DYM: variants seen among roughly 807,000 people sequenced by gnomAD.
DYM encodes the protein dymeclin.
Under a neutral mutation model 93.1 loss-of-function variants are expected in DYM, and 78 were observed. The observed-to-expected ratio is 0.84, with a 90% CI of 0.70 to 1.01. The LOEUF is 1.01. DYM is among the 50% of genes least tolerant of loss of function. DYM has a pLI of 0.00. For missense variants in DYM, 789 were observed against 845.0 expected, an observed-to-expected ratio of 0.93 and a Z score of 0.82; for synonymous variants, 321 against 319.7, an observed-to-expected ratio of 1.00 and a Z score of -0.04.
Position 49,282,172 on chromosome 18 carries a change from C to T in DYM, c.950G>A (p.Ser317Asn), listed in dbSNP as rs187117182. 1.9e-6 allele frequency: 3 copies of T among 1,613,476 alleles called. No homozygotes were observed. The highest frequency in any genetic ancestry group is 1.3e-5 in the African/African-American group (1 of 75,014). The change falls in exon 10 of 18, where the codon AGC becomes AAC. Residue 317 changes from serine (S) to asparagine (N), a missense_variant. Coordinates refer to ENST00000675505, the MANE Select transcript of DYM (RefSeq NM_001353214.3). ...TGGAATTGATGAGGGGAAAGGACTG[C>T]TATCTGGAATACAGAAAACAGCACA... ...AIMSFKNTQDSSPFPSSIPHA... is the reference protein window; with the variant it reads ...AIMSFKNTQDNSPFPSSIPHA...
At chr18:49,191,129 C>T (rs2090932062) in intron 14 of DYM, among the ~76,000 whole-genome samples, 1 of 151,812 alleles carries the variant, frequency 6.6e-6, no homozygotes, top group Non-Finnish European at 1.5e-5. Context: ...GTTCAAGGGT[C>T]GACTATATTT....
At chr18:49,441,559 A>C (rs1440321102) in intron 1 of DYM, among the ~76,000 whole-genome samples, 1 of 150,442 alleles carries the variant, frequency 6.6e-6, no homozygotes. Flanking sequence ...TCCAAGTGCT[A>C]TATTAAGTAC....
chr18:49,143,814 T>C (rs1176889367), intron 15 of DYM, among the ~76,000 whole-genome samples: 1 of 152,164 alleles, frequency 6.6e-6, no homozygotes, highest in Non-Finnish European at 1.5e-5. Flanking sequence ...AACCTCCATG[T>C]ACCTATCACC....
At chr18:49,244,236 C>T (rs2094111942) in intron 13 of DYM, among the ~76,000 whole-genome samples, 1 of 152,174 alleles carries the variant, frequency 6.6e-6, no homozygotes, top group Non-Finnish European at 1.5e-5. Flanking sequence ...TTAACTGGTT[C>T]TCCGCTGGAC....
At chr18:49,371,750 A>T (rs746598850) in intron 5 of DYM, among the ~76,000 whole-genome samples, 2 of 152,214 alleles carry the variant, frequency 1.3e-5, no homozygotes, top group Non-Finnish European at 2.9e-5. Flanking sequence ...GTCCCCTTTG[A>T]CTGATTCTCA....
intron 17 of DYM, among the ~76,000 whole-genome samples, chr18:49,086,919 T>C (rs1489113053): frequency 3.3e-5 from 5 of 151,614 alleles, no homozygotes; most frequent in Non-Finnish European, 7.4e-5. Flanking sequence ...ACCCAGGAGG[T>C]GGAGGTTGCA....
chr18:49,119,939 C>T (rs1384679097), intron 15 of DYM, among the ~76,000 whole-genome samples: 2 of 151,692 alleles, frequency 1.3e-5, no homozygotes, highest in Non-Finnish European at 2.9e-5. Flanking sequence ...ATTAGCCAGG[C>T]GTGGTGGCAC....
intron 8 of DYM, among the ~76,000 whole-genome samples, chr18:49,316,734 C>T (rs894140403): frequency 1.2e-4 from 19 of 152,032 alleles, no homozygotes; most frequent in African/African-American, 4.6e-4. Flanking sequence ...CCCTGAACCC[C>T]TGGCTATCAC....
At chr18:49,065,839 T>C (rs1233692113) in intron 17 of DYM, among the ~76,000 whole-genome samples, 1 of 152,144 alleles carries the variant, frequency 6.6e-6, no homozygotes, top group Admixed American at 6.5e-5. Context: ...GGGGCATAGA[T>C]CACATCTTAG....
chr18:49,172,991 AATTT>A (rs1243726325), intron 14 of DYM, among the ~76,000 whole-genome samples: 2 of 148,122 alleles, frequency 1.4e-5, no homozygotes, highest in African/African-American at 2.4e-5. Context: ...GAAGAGTCAC[AATTT>A]ATTTAATTGG....
rs2276200 is a variant in DYM, at chr18:49,258,263, G to A, written c.1365+117C>T. 0.075 allele frequency: 54,370 copies of A among 727,144 alleles called. 3,889 individuals are homozygous for A. Among genetic ancestry groups the A allele is most frequent in the East Asian group, 0.33 (12,140 of 37,164 alleles). 45.0% of individuals were successfully genotyped at this position (727,144 alleles called of 1,614,324 possible). ...GTAATACAGTGACTATACAGTGACC[G>A]GTATTTTCTACCATATGTCACGAGA... On this transcript the variant is annotated intron_variant, in intron 12 of 17. Transcript: ENST00000675505.
intron 17 of DYM, among the ~76,000 whole-genome samples, chr18:49,067,293 C>T (rs78059067): frequency 0.046 from 324 of 7,110 alleles, 3 homozygotes; most frequent in African/African-American, 0.13. Context: ...GATGTGAGCA[C>T]TATGGAGGTT....
chr18:49,247,634 A>G (rs1211581858), intron 13 of DYM, among the ~76,000 whole-genome samples: 1 of 152,214 alleles, frequency 6.6e-6, no homozygotes, highest in East Asian at 1.9e-4. Flanking sequence ...TAAGAAATAA[A>G]CAATCTGATA....
intron 8 of DYM, among the ~76,000 whole-genome samples, chr18:49,328,567 G>A (rs2063080505): frequency 2.6e-5 from 4 of 151,972 alleles, no homozygotes. Context: ...AATCTACAAA[G>A]AACTTAAACA....
chr18:49,327,627 G>C (rs1039187090), intron 8 of DYM, among the ~76,000 whole-genome samples: 24 of 152,030 alleles, frequency 1.6e-4, no homozygotes, highest in Admixed American at 1.3e-4. Context: ...AAAGCACTGG[G>C]ATTACGGACA....
chr18:49,093,278 C>G (rs1435685941), intron 17 of DYM: 1 of 152,208 alleles, frequency 6.6e-6, no homozygotes, highest in Admixed American at 6.5e-5. Context: ...GCCTGGCATG[C>G]AAGGACTCTG....
chr18:49,428,968 C>A (rs1375603260), intron 2 of DYM, among the ~76,000 whole-genome samples: 1 of 152,292 alleles, frequency 6.6e-6, no homozygotes, highest in East Asian at 1.9e-4. Context: ...TCTTACAGTT[C>A]TGTAGGTCAG....
intron 8 of DYM, among the ~76,000 whole-genome samples, chr18:49,311,407 G>T (rs2061579637): frequency 6.6e-6 from 1 of 152,168 alleles, no homozygotes; most frequent in Non-Finnish European, 1.5e-5. Context: ...CAAAAGGTAG[G>T]TCTGTAAGAA....
At position 49,056,630 on chromosome 18, in the gene DYM, C is replaced by A. The variant is rs570426435; in HGVS notation, c.2026-12426G>T. Among the ~76,000 whole-genome samples the A allele has an allele frequency of 5.5e-4, 83 of 151,252 alleles. No individual in the cohort carries two copies. In the South Asian group the frequency reaches 0.017, roughly 30 times the overall value. On this transcript the variant is annotated intron_variant, in intron 17 of 17. Coordinates refer to ENST00000675505, the MANE Select transcript of DYM (RefSeq NM_001353214.3). ...TCGGCTCACTGTAGCCTCAACCTCCCAGGCTCAAGCGATCCTCCCACTTTA... is the reference window on the plus strand; with the variant it reads ...TCGGCTCACTGTAGCCTCAACCTCCAAGGCTCAAGCGATCCTCCCACTTTA...
Sources: allele counts gnomAD v4.1 joint callset (sites outside exome capture counted in the v4.1 genomes callset), GRCh38; gene constraint gnomAD v4.1.1; transcripts MANE v1.5; gene names NCBI Gene and HGNC (gene_info 2026-07-23, HGNC 2026-07-21).